Variants in GRIK2 observed in about 807,000 individuals in gnomAD.
GRIK2 encodes the protein glutamate ionotropic receptor kainate type subunit 2.
Under a neutral mutation model 100.3 loss-of-function variants are expected in GRIK2, and 32 were observed. The ratio of observed to expected loss-of-function variants is 0.32; its 90% CI spans 0.24 to 0.43. The LOEUF is 0.43. Among genes scored for constraint, GRIK2 ranks in the 20% least tolerant of loss-of-function variants. The probability of loss-of-function intolerance (pLI) is 1.00; values close to 1 mark genes in which losing one functional copy is unlikely to be tolerated. For missense variants in GRIK2, 843 were observed against 1,114.9 expected (o/e 0.76, Z 3.47); for synonymous variants, 417 against 389.4 (o/e 1.07, Z -0.83).
At chr6:101,777,901 A>G (rs901027498) in intron 7 of GRIK2, among the ~76,000 whole-genome samples, 2 of 152,250 alleles carry the variant, frequency 1.3e-5, no homozygotes, top group Non-Finnish European at 2.9e-5. Flanking sequence ...ATTCCTCTCC[A>G]GTCTGAGCTG....
Position 101,491,901 on chromosome 6 carries a change from G to T in GRIK2, c.115+92509G>T, listed in dbSNP as rs549545218. ...TATATGTGTGTTTGAATGTATATATGTGTGTATACATATATATATATTACA... is the reference window on the plus strand; with the variant it reads ...TATATGTGTGTTTGAATGTATATATTTGTGTATACATATATATATATTACA... On this transcript the variant is annotated intron_variant, in intron 2 of 16. Coordinates refer to ENST00000369134, the MANE Select transcript of GRIK2 (RefSeq NM_021956.5). Among the ~76,000 whole-genome samples the T allele has an allele frequency of 6.1e-5, 9 of 148,556 alleles. No individual in the cohort carries two copies. The East Asian group carries it at 1.7e-3, about 29-fold the overall frequency.
At chr6:101,608,312 G>A (rs11759974) in intron 2 of GRIK2, among the ~76,000 whole-genome samples, 37,591 of 151,616 alleles carry the variant, frequency 0.25, 5,272 homozygotes, top group African/African-American at 0.37. Flanking sequence ...TTTAACGATT[G>A]CACAGTATTC....
intron 14 of GRIK2, among the ~76,000 whole-genome samples, chr6:101,948,468 T>C (rs1240686276): frequency 2.7e-5 from 4 of 147,504 alleles, no homozygotes; most frequent in Admixed American, 1.4e-4. Context: ...TACACACATA[T>C]ATAGTTATAG....
intron 7 of GRIK2, among the ~76,000 whole-genome samples, chr6:101,688,113 ATAT>A (rs963668039): frequency 6.7e-4 from 98 of 146,606 alleles, no homozygotes; most frequent in African/African-American, 2.3e-3. Flanking sequence ...AAATATTTAA[ATAT>A]TATATAAAAA....
intron 2 of GRIK2, among the ~76,000 whole-genome samples, chr6:101,576,510 A>G (rs776716193): frequency 1.5e-4 from 23 of 152,032 alleles, no homozygotes; most frequent in Non-Finnish European, 2.8e-4. Flanking sequence ...TATATTATGT[A>G]AGTATGATCC....
chr6:101,729,374 T>G (rs920678345), intron 7 of GRIK2, among the ~76,000 whole-genome samples: 1 of 151,930 alleles, frequency 6.6e-6, no homozygotes, highest in Non-Finnish European at 1.5e-5. Flanking sequence ...ACATGCAGAT[T>G]TATACAAAGC....
Position 101,818,451 on chromosome 6 carries a change from T to C in GRIK2, c.1285T>C (p.Ser429Pro). Residue 429 changes from serine to proline, a missense_variant, in exon 10 of 17, where the codon TCC becomes CCC. Coordinates refer to ENST00000369134, the MANE Select transcript of GRIK2 (RefSeq NM_021956.5). The part of the protein sequence containing the change: ...GKPANITDSL[S>P]NRSLIVTTIL... Reference sequence around the variant, plus strand: ...GCCAGCGAACATCACAGATTCCTTATCCAATCGTTCTTTGATTGTTACCAC... The same window carrying C: ...GCCAGCGAACATCACAGATTCCTTACCCAATCGTTCTTTGATTGTTACCAC... The C allele has an allele frequency of 6.2e-7, 1 of 1,607,316 alleles. No individual in the cohort carries two copies. The highest frequency in any genetic ancestry group is 8.5e-7 in the Non-Finnish European group (1 of 1,173,882).
chr6:101,748,457 A>G (rs1406740300), intron 7 of GRIK2, among the ~76,000 whole-genome samples: 1 of 152,170 alleles, frequency 6.6e-6, no homozygotes, highest in Non-Finnish European at 1.5e-5. Flanking sequence ...GACATTAAGT[A>G]TATTAATTAA....
chr6:101,565,925 ATATATATGTG>A (rs1322933878), intron 2 of GRIK2, among the ~76,000 whole-genome samples: 7,578 of 111,212 alleles, frequency 0.068, 263 homozygotes, highest in Non-Finnish European at 0.077. Flanking sequence ...TTATATATAT[ATATATATGTG>A]TATATATATA....
At chr6:101,874,988 A>C (rs1367266357) in intron 11 of GRIK2, among the ~76,000 whole-genome samples, 1 of 152,124 alleles carries the variant, frequency 6.6e-6, no homozygotes, top group African/African-American at 2.4e-5. Context: ...CAGCTTAAGG[A>C]AATTTTGGGC....
At chr6:101,621,489 G>C (rs142945290) in intron 2 of GRIK2, among the ~76,000 whole-genome samples, 16 of 152,128 alleles carry the variant, frequency 1.1e-4, no homozygotes, top group African/African-American at 3.9e-4. Flanking sequence ...TTTGATTTCT[G>C]AATGGAGACG....
At chr6:101,877,183 C>T (rs1207342127) in intron 11 of GRIK2, among the ~76,000 whole-genome samples, 1 of 151,722 alleles carries the variant, frequency 6.6e-6, no homozygotes. Context: ...TTTTATACTT[C>T]ACATATATAT....
chr6:102,007,741 G>A (rs1397875121), intron 14 of GRIK2, among the ~76,000 whole-genome samples: 1 of 152,046 alleles, frequency 6.6e-6, no homozygotes, highest in Non-Finnish European at 1.5e-5. Context: ...AAAAAAGAAA[G>A]TTTTCTTAGG....
intron 2 of GRIK2, among the ~76,000 whole-genome samples, chr6:101,456,132 T>A (rs2518223): frequency 0.26 from 38,084 of 148,046 alleles, 5,300 homozygotes; most frequent in East Asian, 0.38. Context: ...TTTTTTTTTT[T>A]AAAAAAAGAG....
At chr6:101,976,556 A>G (rs138279537) in intron 14 of GRIK2, among the ~76,000 whole-genome samples, 1 of 151,940 alleles carries the variant, frequency 6.6e-6, no homozygotes, top group African/African-American at 2.4e-5. Flanking sequence ...AGGCATGGTA[A>G]CACACTTGCA....
intron 2 of GRIK2, among the ~76,000 whole-genome samples, chr6:101,501,749 T>TTTTTG (rs944684565): frequency 3.9e-5 from 6 of 152,020 alleles, no homozygotes; most frequent in Admixed American, 6.6e-5. Flanking sequence ...CCTTAGCATG[T>TTTTTG]TTTTGTTTTG....
chr6:101,551,680 T>C (rs1394546956), intron 2 of GRIK2, among the ~76,000 whole-genome samples: 1 of 152,114 alleles, frequency 6.6e-6, no homozygotes, highest in Non-Finnish European at 1.5e-5. Context: ...TCTGCCCCTA[T>C]AAGACTTATA....
chr6:101,671,235 CT>C (rs1324462259), intron 4 of GRIK2, among the ~76,000 whole-genome samples: 1 of 152,054 alleles, frequency 6.6e-6, no homozygotes, highest in Non-Finnish European at 1.5e-5. Context: ...TATTGAATAA[CT>C]CTAAAAGTAT....
intron 2 of GRIK2, among the ~76,000 whole-genome samples, chr6:101,521,593 G>A (rs1265442839): frequency 1.3e-5 from 2 of 151,724 alleles, no homozygotes; most frequent in African/African-American, 2.4e-5. Flanking sequence ...AACATTGCTA[G>A]TGTTTATCAG....
Sources: allele counts gnomAD v4.1 joint callset (sites outside exome capture counted in the v4.1 genomes callset), GRCh38; gene constraint gnomAD v4.1.1; transcripts MANE v1.5; gene names NCBI Gene and HGNC (gene_info 2026-07-23, HGNC 2026-07-21).